The following FUNDC2 variants were observed in gnomAD, a reference collection of about 807,000 sequenced individuals.
FUNDC2 encodes the protein FUN14 domain-containing protein 2.
A neutral mutation model predicts 15.6 loss-of-function variants in FUNDC2; 4 were observed. The observed-to-expected ratio is 0.26, with a 90% CI of 0.13 to 0.59. The LOEUF is 0.59. FUNDC2 is among the 20% of genes least tolerant of loss of function. FUNDC2 has a pLI of 0.90. For missense variants in FUNDC2, 98 were observed against 149.7 expected, an observed-to-expected ratio of 0.65 and a Z score of 1.80; for synonymous variants, 44 against 56.9, an observed-to-expected ratio of 0.77 and a Z score of 1.02.
chrX:155,045,096 A>C (rs140066995), intron 2 of FUNDC2, among the ~76,000 whole-genome samples: 2 of 112,374 alleles, frequency 1.8e-5, no homozygotes, highest in East Asian at 5.6e-4. Flanking sequence ...TAAGCCAGAC[A>C]TAGAAAGACA....
intron 2 of FUNDC2, among the ~76,000 whole-genome samples, chrX:155,045,518 G>A (rs1176664177): frequency 8.9e-6 from 1 of 112,213 alleles, no homozygotes; most frequent in African/African-American, 3.2e-5. Context: ...GTAATCAACT[G>A]TGTCAAAAGC....
chrX:155,027,329 C>G, intron 1 of FUNDC2: 1 of 232,701 alleles, frequency 4.3e-6, no homozygotes. Flanking sequence ...GCGCCGCCCC[C>G]GGCGCAGAAG....
intron 1 of FUNDC2, among the ~76,000 whole-genome samples, chrX:155,031,424 C>T (rs781844559): frequency 6.3e-5 from 7 of 111,565 alleles, no homozygotes; most frequent in African/African-American, 9.8e-5. Context: ...TCGCTACCCG[C>T]GTTCAAGTGA....
intron 2 of FUNDC2, among the ~76,000 whole-genome samples, chrX:155,045,487 C>T (rs1169078997): frequency 9.0e-6 from 1 of 111,697 alleles, no homozygotes; most frequent in Non-Finnish European, 1.9e-5. Context: ...AATAAAATAC[C>T]TTTTTTAAAA....
In FUNDC2 at chrX:155,026,896, C is replaced by T. The variant is rs1557288249; in HGVS notation, c.-43C>T. 1 of 1,163,388 alleles carries T rather than the reference C, an allele frequency of 8.6e-7. No homozygotes were observed. The highest frequency in any genetic ancestry group is 2.5e-5 in the Admixed American group (1 of 40,163). On this transcript the variant is annotated 5_prime_UTR_variant, in exon 1 of 5. Transcript: ENST00000369498. ...AGCCGCTTGCGGAGACTGCAAGCAGCCGCGGCGCGCCCGGCCCTCCCTCTT... is the reference window on the plus strand; with the variant it reads ...AGCCGCTTGCGGAGACTGCAAGCAGTCGCGGCGCGCCCGGCCCTCCCTCTT...
intron 1 of FUNDC2, among the ~76,000 whole-genome samples, chrX:155,028,354 T>C (rs1334705854): frequency 8.9e-6 from 1 of 111,828 alleles, no homozygotes; most frequent in Non-Finnish European, 1.9e-5. Context: ...TTTTAGGGAC[T>C]AGATCTGTCA....
At chrX:155,030,625 AT>A (rs782425620) in intron 1 of FUNDC2, among the ~76,000 whole-genome samples, 57 of 107,171 alleles carry the variant, frequency 5.3e-4, no homozygotes, top group Middle Eastern at 5.0e-3. Context: ...TTAGTTGTAT[AT>A]TTTTCATAGA....
chrX:155,046,625 C>T, intron 3 of FUNDC2, 41 bp downstream of exon 3: 1 of 1,050,290 alleles, frequency 9.5e-7, no homozygotes, highest in Non-Finnish European at 1.3e-6. Flanking sequence ...GAAATTCCAC[C>T]TGCCCATTAA....
intron 1 of FUNDC2, among the ~76,000 whole-genome samples, chrX:155,030,948 A>G (rs1014090945): frequency 9.0e-6 from 1 of 111,095 alleles, no homozygotes; most frequent in Non-Finnish European, 1.9e-5. Context: ...CGGCCTCCCA[A>G]AGTGCTTGGA....
In FUNDC2 at chrX:155,041,950, T is replaced by A. The variant is rs368411299; in HGVS notation, c.285-4559T>A. On this transcript the variant is annotated intron_variant, in intron 2 of 4. Transcript: ENST00000369498. ...CAGTCGTGGTGGCGGGCGCCTGTAG[T>A]CCCAGCTACTCGGGAGGCTGAGGCA... Among the ~76,000 whole-genome samples, 11 of 105,916 alleles carry A rather than the reference T, an allele frequency of 1.0e-4. No individual in the cohort carries two copies. In the South Asian group the frequency reaches 4.3e-3, roughly 41 times the overall value. 92.0% of individuals were successfully genotyped at this position (105,916 alleles called of 115,157 possible). A position where few individuals can be genotyped will look rare whatever the true frequency, so the allele number is the denominator to read the frequency against.
chrX:155,029,493 C>T (rs1238823341), intron 1 of FUNDC2, among the ~76,000 whole-genome samples: 1 of 111,184 alleles, frequency 9.0e-6, no homozygotes. Context: ...GTGGCTCACT[C>T]CTGTAATCCC....
In FUNDC2 at chrX:155,046,503, T is replaced by C. The variant is rs2073863154; in HGVS notation, c.285-6T>C. On this transcript the variant is annotated splice_polypyrimidine_tract_variant and splice_region_variant and intron_variant, in intron 2 of 4. Transcript: ENST00000369498. ...CAATTTGTCTGATGTTGGTTTGTTTTTGTAGGTGCACAGGTTTCATATTCC... is the reference window on the plus strand; with the variant it reads ...CAATTTGTCTGATGTTGGTTTGTTTCTGTAGGTGCACAGGTTTCATATTCC... 2 of 1,208,098 alleles carry C rather than the reference T, an allele frequency of 1.7e-6. No homozygotes were observed. The highest frequency in any genetic ancestry group is 2.2e-6 in the Non-Finnish European group (2 of 892,325).
Position 155,058,781 on chromosome X carries a change from C to T in FUNDC2, c.*4109C>T, listed in dbSNP as rs781947987. 5 of 110,809 alleles carry T rather than the reference C, an allele frequency of 4.5e-5. No individual in the cohort carries two copies. Among genetic ancestry groups the T allele is most frequent in the African/African-American group, 1.6e-4 (5 of 30,532 alleles). The allele number at this position is 110,809 out of a possible 1,213,427, so 9.1% of individuals were successfully genotyped here. ...AGTCATATGGTATAGCTTATATTTC[C>T]GATGCTTGCATTCTTTTTAAGGGGT... is the stretch of plus-strand genomic sequence containing the variant. On this transcript the variant is annotated 3_prime_UTR_variant, in exon 5 of 5. Transcript: ENST00000369498.
intron 2 of FUNDC2, among the ~76,000 whole-genome samples, chrX:155,034,012 A>C (rs782539694): frequency 8.9e-6 from 1 of 112,626 alleles, no homozygotes; most frequent in African/African-American, 3.2e-5. Flanking sequence ...TATTGAATCC[A>C]TTAATCTCAT....
chrX:155,047,866 C>T (rs1333246791), intron 3 of FUNDC2, among the ~76,000 whole-genome samples: 1 of 110,979 alleles, frequency 9.0e-6, no homozygotes, highest in African/African-American at 3.3e-5. Flanking sequence ...GTTGCCCAAG[C>T]CTCACTTTTG....
intron 2 of FUNDC2, among the ~76,000 whole-genome samples, chrX:155,041,375 A>G (rs1557289536): frequency 8.9e-6 from 1 of 111,810 alleles, no homozygotes; most frequent in East Asian, 2.8e-4. Context: ...TTGAATTTTT[A>G]TAGTTTTTAA....
chrX:155,029,408 G>T (rs1409471256), intron 1 of FUNDC2, among the ~76,000 whole-genome samples: 3 of 111,955 alleles, frequency 2.7e-5, no homozygotes, highest in African/African-American at 9.8e-5. Context: ...ACACTGCTGG[G>T]TTTTTTTGTA....
intron 2 of FUNDC2, among the ~76,000 whole-genome samples, chrX:155,039,989 T>C (rs2073842379): frequency 1.8e-5 from 2 of 112,014 alleles, no homozygotes; most frequent in African/African-American, 6.5e-5. Flanking sequence ...ATGGAATATC[T>C]TTCTGTTTAT....
rs1187803897 is a variant in FUNDC2 at position 155,055,826 on chromosome X, A to G, written c.*1154A>G. On this transcript the variant is annotated 3_prime_UTR_variant, in exon 5 of 5. Coordinates refer to ENST00000369498, the MANE Select transcript of FUNDC2 (RefSeq NM_023934.4). ...TGAATAATGACTTTATAGAAAGAAA[A>G]CTCACTATTAAAGGTTAGTTTTACT... 1.8e-5 allele frequency: 2 copies of G among 111,764 alleles called. No individual in the cohort carries two copies. The highest frequency in any genetic ancestry group is 6.5e-5 in the African/African-American group (2 of 30,639). The allele number at this position is 111,764 out of a possible 1,213,427, so 9.2% of individuals were successfully genotyped here.
Sources: gnomAD v4.1 joint callset for allele counts (sites outside exome capture counted in the v4.1 genomes callset) on GRCh38, gnomAD v4.1.1 for gene constraint, MANE v1.5 for transcripts, NCBI Gene and HGNC (gene_info 2026-07-23, HGNC 2026-07-21) for gene names.